The following PDIA5 variants were observed in gnomAD, a reference collection of about 807,000 sequenced individuals.
The protein encoded by PDIA5 is protein disulfide-isomerase A5.
PDIA5 carries 58 observed loss-of-function variants against 77.6 expected under a neutral mutation model. The observed-to-expected ratio is 0.75, with a 90% CI of 0.61 to 0.93. The LOEUF is 0.93. Ranked by LOEUF, PDIA5 falls within the 40% of genes least tolerant of loss-of-function variation. The pLI, the probability that PDIA5 is intolerant of heterozygous loss-of-function variation, is 0.00. For missense variants in PDIA5, 630 were observed against 647.7 expected (o/e 0.97, Z 0.30); for synonymous variants, 250 against 252.1 (o/e 0.99, Z 0.08).
chr3:123,093,863 C>T (rs1039019104), intron 3 of PDIA5, among the ~76,000 whole-genome samples: 4 of 152,192 alleles, frequency 2.6e-5, no homozygotes, highest in Non-Finnish European at 4.4e-5. Context: ...CAATACCACG[C>T]GCTCACAGTG....
intron 13 of PDIA5, among the ~76,000 whole-genome samples, chr3:123,147,135 A>G (rs1296290475): frequency 6.6e-6 from 1 of 152,150 alleles, no homozygotes; most frequent in African/African-American, 2.4e-5. Flanking sequence ...TTTGGAGGCT[A>G]GAAGTCAGAG....
In PDIA5 at chr3:123,130,516, C is replaced by T; in HGVS notation, c.810C>T (p.Pro270=). ...CACAGCCCCAGGTCCCTGAGACTCC[C>T]TGGGCAGATGAGGGCGGCTCCGTTT... ...QPPQPQVPET[P]WADEGGSVYH... Residue 270 remains proline (P), a synonymous_variant, in exon 11 of 17, where the codon CCC becomes CCT. Coordinates refer to ENST00000316218, the MANE Select transcript of PDIA5 (RefSeq NM_006810.4). The T allele has an allele frequency of 6.2e-7, 1 of 1,614,126 alleles. No individual in the cohort carries two copies. The highest frequency in any genetic ancestry group is 1.1e-5 in the South Asian group (1 of 91,078).
Position 123,154,041 on chromosome 3 carries a change from T to C in PDIA5, c.1274-930T>C, listed in dbSNP as rs551031638. On this transcript the variant is annotated intron_variant, in intron 14 of 16. Transcript: ENST00000316218. ...GGAAAGGGCTGAGAGAGGAGGGGGGTTTGGGTTCTGATCTGTTAGTGCTGA... is the reference window on the plus strand; with the variant it reads ...GGAAAGGGCTGAGAGAGGAGGGGGGCTTGGGTTCTGATCTGTTAGTGCTGA... 2.6e-5 allele frequency among the ~76,000 whole-genome samples: 4 copies of C among 151,196 alleles called. No individual in the cohort carries two copies. The South Asian group carries it at 6.3e-4, about 24-fold the overall frequency.
chr3:123,117,915 G>A (rs968085233), intron 8 of PDIA5, among the ~76,000 whole-genome samples: 22 of 152,156 alleles, frequency 1.4e-4, no homozygotes, highest in Admixed American at 8.5e-4. Context: ...TCTAGGGAGC[G>A]TGGAAAAATC....
rs779175916 is a variant in PDIA5, at chr3:123,102,499, G to A, written c.341+5G>A. 6.2e-7 allele frequency: 1 copy of A among 1,605,160 alleles called. No individual in the cohort carries two copies. Among genetic ancestry groups the A allele is most frequent in the Non-Finnish European group, 8.5e-7 (1 of 1,171,794 alleles). On this transcript the variant is annotated splice_donor_5th_base_variant and intron_variant, in intron 4 of 16. Coordinates refer to ENST00000316218, the MANE Select transcript of PDIA5 (RefSeq NM_006810.4). ...GGTTGAATTATTCCATTACCAGTAAGTACACATGGGCATTTCCAATTTCCA... is the reference window on the plus strand; with the variant it reads ...GGTTGAATTATTCCATTACCAGTAAATACACATGGGCATTTCCAATTTCCA...
At chr3:123,112,921 C>T (rs1043127559) in intron 7 of PDIA5, among the ~76,000 whole-genome samples, 6 of 152,148 alleles carry the variant, frequency 3.9e-5, no homozygotes, top group African/African-American at 7.2e-5. Context: ...CAGGCCTCCT[C>T]GCTGGCCCCA....
chr3:123,080,157 T>C (rs74338925), intron 1 of PDIA5, among the ~76,000 whole-genome samples: 1 of 150,664 alleles, frequency 6.6e-6, no homozygotes, highest in South Asian at 2.1e-4. Context: ...GGTGTGTGTG[T>C]GGGGGGGATT....
At chr3:123,135,116 T>G (rs146956669) in intron 11 of PDIA5, among the ~76,000 whole-genome samples, 124 of 152,272 alleles carry the variant, frequency 8.1e-4, no homozygotes, top group African/African-American at 2.9e-3. Context: ...TTTGTTTGTG[T>G]TTTTCTGCGG....
intron 11 of PDIA5, 157 bp from the exon 12 acceptor site, chr3:123,145,365 G>T: frequency 1.7e-6 from 1 of 598,602 alleles, no homozygotes. Flanking sequence ...CACTTCTGGT[G>T]GATTATGCAA....
chr3:123,161,526 G>C, intron 16 of PDIA5, 71 bp downstream of exon 16: 1 of 1,461,376 alleles, frequency 6.8e-7, no homozygotes, highest in Non-Finnish European at 9.3e-7. Flanking sequence ...CACTGAGGAG[G>C]GGCAGCACTG....
chr3:123,115,022 G>A (rs778789581), intron 7 of PDIA5, among the ~76,000 whole-genome samples: 11 of 152,148 alleles, frequency 7.2e-5, no homozygotes, highest in Non-Finnish European at 1.0e-4. Flanking sequence ...TGGCCCAGAA[G>A]GAATGTTGGC....
intron 1 of PDIA5, among the ~76,000 whole-genome samples, chr3:123,084,016 T>C (rs1215592888): frequency 6.6e-6 from 1 of 152,006 alleles, no homozygotes; most frequent in Non-Finnish European, 1.5e-5. Context: ...GGGCCTTTCA[T>C]CCTTCCCCTT....
intron 1 of PDIA5, among the ~76,000 whole-genome samples, chr3:123,073,069 A>G (rs1933766844): frequency 6.6e-6 from 1 of 152,192 alleles, no homozygotes; most frequent in Admixed American, 6.5e-5. Context: ...CACTGCCTGG[A>G]GCCTCTGGCT....
chr3:123,142,770 T>C (rs1298020991), intron 11 of PDIA5, among the ~76,000 whole-genome samples: 1 of 152,200 alleles, frequency 6.6e-6, no homozygotes, highest in Non-Finnish European at 1.5e-5. Context: ...TTTGGGGCTA[T>C]GTGCCTTGCT....
chr3:123,150,305 A>T lies in PDIA5; in HGVS notation c.1214A>T (p.Asp405Val). The change falls in exon 14 of 17, where the codon GAC becomes GTC. Residue 405 changes from aspartate (D) to valine (V), a missense_variant. Transcript: ENST00000316218. Reference sequence around the variant, plus strand: ...ACAAGCGTGTTGCACCTGGTGGGGGACAACTTCCGGGAGACCCTGAAGAAG... The same window carrying T: ...ACAAGCGTGTTGCACCTGGTGGGGGTCAACTTCCGGGAGACCCTGAAGAAG... The part of the protein sequence containing the change: ...QQTSVLHLVG[D>V]NFRETLKKKK... 4.3e-6 allele frequency: 7 copies of T among 1,613,410 alleles called. No homozygotes were observed. Among genetic ancestry groups the T allele is most frequent in the Non-Finnish European group, 5.9e-6 (7 of 1,179,774 alleles).
At chr3:123,117,017 G>A (rs575744088) in intron 8 of PDIA5, among the ~76,000 whole-genome samples, 1 of 151,504 alleles carries the variant, frequency 6.6e-6, no homozygotes, top group Non-Finnish European at 1.5e-5. Context: ...GGAGTGTTGT[G>A]GGGGAGAAGA....
At chr3:123,078,193 A>G (rs73195653) in intron 1 of PDIA5, among the ~76,000 whole-genome samples, 19,352 of 152,234 alleles carry the variant, frequency 0.13, 1,455 homozygotes, top group Non-Finnish European at 0.17. Flanking sequence ...AGTACTTTGC[A>G]GATTCCATAT....
intron 3 of PDIA5, 86 bp downstream of exon 3, chr3:123,092,528 G>C (rs909858586): frequency 1.7e-5 from 16 of 965,944 alleles, no homozygotes; most frequent in African/African-American, 6.5e-5. Flanking sequence ...ACTGTCTCTT[G>C]ATTAATAATC....
chr3:123,105,437 T>G (rs988372659), intron 5 of PDIA5, among the ~76,000 whole-genome samples: 20 of 152,176 alleles, frequency 1.3e-4, no homozygotes, highest in Admixed American at 7.9e-4. Flanking sequence ...TAGTTCCTTA[T>G]GTTGTCATGG....
Sources: allele counts gnomAD v4.1 joint callset (sites outside exome capture counted in the v4.1 genomes callset), GRCh38; gene constraint gnomAD v4.1.1; transcripts MANE v1.5; gene names NCBI Gene and HGNC (gene_info 2026-07-23, HGNC 2026-07-21).